The following CCDC62 variants were observed in gnomAD, a reference collection of about 807,000 sequenced individuals.
CCDC62 encodes coiled-coil domain containing 62.
Under a neutral mutation model 80.8 loss-of-function variants are expected in CCDC62, and 72 were observed. That is an observed-to-expected ratio of 0.89 (90% confidence interval 0.74 to 1.08). CCDC62 has a LOEUF of 1.08. Among genes scored for constraint, CCDC62 ranks in the 50% least tolerant of loss-of-function variants. The pLI is 0.00. For synonymous variants in CCDC62, 286 were observed against 296.5 expected (o/e 0.96, Z 0.36); for missense variants, 704 against 809.4 (o/e 0.87, Z 1.58).
intron 9 of CCDC62, among the ~76,000 whole-genome samples, 169 bp from the exon 10 acceptor site, chr12:122,805,982 G>A (rs1168797880): frequency 2.0e-5 from 3 of 152,122 alleles, no homozygotes; most frequent in Admixed American, 6.6e-5. Flanking sequence ...CAAAAGGTAT[G>A]CATTAACTTA....
chr12:122,777,554 A>T lies in CCDC62; in HGVS notation c.100A>T (p.Ile34Phe). 6.2e-7 allele frequency: 1 copy of T among 1,614,202 alleles called. No individual in the cohort carries two copies. The highest frequency in any genetic ancestry group is 8.5e-7 in the Non-Finnish European group (1 of 1,180,006). ...ACAACGGAAGGAGCTGCAGTTGCTC[A>T]TTGGAGAATTAAAAGATCGAGATAA... ...EKQRKELQLLIGELKDRDKEL... is the reference protein window; with the variant it reads ...EKQRKELQLLFGELKDRDKEL... Residue 34 changes from isoleucine (I) to phenylalanine (F), a missense_variant, in exon 2 of 13, where the codon ATT (isoleucine) becomes TTT (phenylalanine). By Grantham distance (21) the Ile-to-Phe change is conservative (BLOSUM62 0). Coordinates refer to ENST00000253079, the MANE Select transcript of CCDC62 (RefSeq NM_201435.5).
intron 10 of CCDC62, among the ~76,000 whole-genome samples, chr12:122,809,783 A>G (rs569198004): frequency 2.3e-4 from 35 of 152,352 alleles, no homozygotes; most frequent in African/African-American, 7.9e-4. Context: ...ACAAGGCTAC[A>G]GTAACCAAAA....
chr12:122,787,136 T>C (rs982574282), intron 4 of CCDC62, among the ~76,000 whole-genome samples: 1 of 151,932 alleles, frequency 6.6e-6, no homozygotes, highest in East Asian at 1.9e-4. Context: ...ATTAAAACAG[T>C]GGGTGCGTTA....
rs554195413 is a variant in CCDC62 at position 122,791,962 on chromosome 12, A to G, written c.671-58A>G. On this transcript the variant is annotated intron_variant, in intron 5 of 12. Coordinates refer to ENST00000253079, the MANE Select transcript of CCDC62 (RefSeq NM_201435.5). ...GATGTGAGAGTTAGGCATAGTGTGTATATGAGGACTGGAACCTAGTATTTA... is the reference window on the plus strand; with the variant it reads ...GATGTGAGAGTTAGGCATAGTGTGTGTATGAGGACTGGAACCTAGTATTTA... 7.2e-6 allele frequency: 8 copies of G among 1,112,602 alleles called. No individual in the cohort carries two copies. In the African/African-American group the frequency reaches 7.7e-5, roughly 11 times the overall value. 68.9% of individuals were successfully genotyped at this position (1,112,602 alleles called of 1,614,324 possible). A position where few individuals can be genotyped will look rare whatever the true frequency, so the allele number is the denominator to read the frequency against.
rs754971274 is a variant in CCDC62 at position 122,826,515 on chromosome 12, G to A, written c.*134G>A. ...AAGAGGATTCTAGTTCTTCATAAAC[G>A]GCACTTAATTCCAGCTGGGAGCAGA... is the stretch of plus-strand genomic sequence containing the variant. On this transcript the variant is annotated 3_prime_UTR_variant, in exon 13 of 13. Coordinates refer to ENST00000253079, the MANE Select transcript of CCDC62 (RefSeq NM_201435.5). 10 of 754,994 alleles carry A rather than the reference G, an allele frequency of 1.3e-5. No homozygotes were observed. The highest frequency in any genetic ancestry group is 1.0e-4 in the African/African-American group (6 of 58,248). The allele number at this position is 754,994 out of a possible 1,614,324, so 46.8% of individuals were successfully genotyped here. A position where few individuals can be genotyped will look rare whatever the true frequency, so the allele number is the denominator to read the frequency against.
At position 122,826,636 on chromosome 12, in the gene CCDC62, T is replaced by C; in HGVS notation, c.*255T>C. On this transcript the variant is annotated 3_prime_UTR_variant, in exon 13 of 13. Transcript: ENST00000253079. The stretch of plus-strand genomic sequence containing the variant: ...TTCATGTGTAAGAAAGTAGACCTTA[T>C]TGTACATATAGAAAGTTGGAATTAT... 2.0e-6 allele frequency: 1 copy of C among 498,256 alleles called. No individual in the cohort carries two copies. The highest frequency in any genetic ancestry group is 3.1e-5 in the East Asian group (1 of 32,368). The allele number at this position is 498,256 out of a possible 1,614,324, so 30.9% of individuals were successfully genotyped here.
At chr12:122,778,010 A>G (rs1476565631) in intron 2 of CCDC62, among the ~76,000 whole-genome samples, 2 of 152,192 alleles carry the variant, frequency 1.3e-5, no homozygotes, top group African/African-American at 4.8e-5. Flanking sequence ...AACTAAACTG[A>G]AAGATTTTAG....
intron 10 of CCDC62, among the ~76,000 whole-genome samples, chr12:122,810,557 T>TTTACACTTC (rs2031825027): frequency 6.6e-6 from 1 of 151,660 alleles, no homozygotes; most frequent in African/African-American, 2.4e-5. Flanking sequence ...TAGAAACACT[T>TTTACACTTC]TTACACTGTT....
intron 6 of CCDC62, among the ~76,000 whole-genome samples, chr12:122,793,951 C>T (rs2030786502): frequency 6.6e-6 from 1 of 152,162 alleles, no homozygotes; most frequent in Non-Finnish European, 1.5e-5. Context: ...TTCAAACAGT[C>T]CTTGGACCAG....
At chr12:122,787,778 T>C (rs1401979609) in intron 4 of CCDC62, among the ~76,000 whole-genome samples, 1 of 151,678 alleles carries the variant, frequency 6.6e-6, no homozygotes, top group Non-Finnish European at 1.5e-5. Flanking sequence ...TGTGTTTTCC[T>C]AGTCTTAGAG....
At chr12:122,806,403 CGTT>C (rs2135568904) in intron 10 of CCDC62, 108 bp downstream of exon 10, 14 of 582,458 alleles carry the variant, frequency 2.4e-5, no homozygotes, top group South Asian at 1.3e-4. Context: ...GCTATTCCTC[CGTT>C]TTTTTTTTTT....
intron 9 of CCDC62, among the ~76,000 whole-genome samples, chr12:122,805,104 C>G (rs1001383310): frequency 6.7e-6 from 1 of 148,410 alleles, no homozygotes; most frequent in Non-Finnish European, 1.5e-5. Flanking sequence ...AGGCTGGTCT[C>G]AAACTCCTGA....
intron 10 of CCDC62, among the ~76,000 whole-genome samples, chr12:122,808,165 T>G: frequency 6.6e-6 from 1 of 152,048 alleles, no homozygotes; most frequent in African/African-American, 2.4e-5. Flanking sequence ...GGTGTGCTGG[T>G]GTGTGCCTGT....
At chr12:122,820,894 G>C (rs1213974809) in intron 11 of CCDC62, among the ~76,000 whole-genome samples, 1 of 151,794 alleles carries the variant, frequency 6.6e-6, no homozygotes, top group Non-Finnish European at 1.5e-5. Context: ...TTTGCATAGA[G>C]AGGAAGCAGC....
Position 122,826,514 on chromosome 12 carries a change from C to A in CCDC62, c.*133C>A. 1 of 757,824 alleles carries A rather than the reference C, an allele frequency of 1.3e-6. No individual in the cohort carries two copies. The highest frequency in any genetic ancestry group is 2.5e-6 in the Non-Finnish European group (1 of 408,012). The allele number at this position is 757,824 out of a possible 1,614,324, so 46.9% of individuals were successfully genotyped here. A position where few individuals can be genotyped will look rare whatever the true frequency, so the allele number is the denominator to read the frequency against. On this transcript the variant is annotated 3_prime_UTR_variant, in exon 13 of 13. Coordinates refer to ENST00000253079, the MANE Select transcript of CCDC62 (RefSeq NM_201435.5). ...AAAGAGGATTCTAGTTCTTCATAAACGGCACTTAATTCCAGCTGGGAGCAG... is the reference window on the plus strand; with the variant it reads ...AAAGAGGATTCTAGTTCTTCATAAAAGGCACTTAATTCCAGCTGGGAGCAG...
intron 11 of CCDC62, among the ~76,000 whole-genome samples, chr12:122,817,171 C>G (rs2032203632): frequency 6.6e-6 from 1 of 151,632 alleles, no homozygotes; most frequent in African/African-American, 2.4e-5. Context: ...CCTGCCCCAG[C>G]CTCCCAAGTA....
At chr12:122,800,827 A>G (rs547175668) in intron 8 of CCDC62, among the ~76,000 whole-genome samples, 1 of 152,346 alleles carries the variant, frequency 6.6e-6, no homozygotes, top group South Asian at 2.1e-4. Context: ...AGAATACCTG[A>G]ATACAAGTGA....
At chr12:122,798,916 A>G (rs1292716956) in intron 8 of CCDC62, among the ~76,000 whole-genome samples, 1 of 151,742 alleles carries the variant, frequency 6.6e-6, no homozygotes, top group Non-Finnish European at 1.5e-5. Flanking sequence ...CATCTGTACT[A>G]AAAATACAAA....
chr12:122,814,069 G>A (rs1431523510), intron 11 of CCDC62, among the ~76,000 whole-genome samples: 1 of 151,638 alleles, frequency 6.6e-6, no homozygotes, highest in African/African-American at 2.4e-5. Context: ...ATTACCTGAG[G>A]TCAGGAGTTC....
Sources: allele counts gnomAD v4.1 joint callset (sites outside exome capture counted in the v4.1 genomes callset), GRCh38; gene constraint gnomAD v4.1.1; transcripts MANE v1.5; gene names NCBI Gene and HGNC (gene_info 2026-07-23, HGNC 2026-07-21).